The following MBOAT2 variants were observed in gnomAD, a reference collection of about 807,000 sequenced individuals.
MBOAT2 encodes the protein membrane bound glycerophospholipid O-acyltransferase 2.
Under a neutral mutation model 63.4 loss-of-function variants are expected in MBOAT2, and 28 were observed. The ratio of observed to expected loss-of-function variants is 0.44; its 90% CI spans 0.33 to 0.61. The LOEUF is 0.61. MBOAT2 is among the 20% of genes least tolerant of loss of function. The pLI is 0.03. For synonymous variants in MBOAT2, 211 were observed against 215.6 expected (o/e 0.98, Z 0.19); for missense variants, 470 against 605.8 (o/e 0.78, Z 2.35).
intron 3 of MBOAT2, among the ~76,000 whole-genome samples, chr2:8,931,977 A>C (rs1439454516): frequency 6.6e-6 from 1 of 152,060 alleles, no homozygotes; most frequent in East Asian, 1.9e-4. Flanking sequence ...ATAAATGTTC[A>C]ATTTTCGCCA....
At chr2:8,858,992 C>T (rs1661307586) in intron 12 of MBOAT2, 88 bp from the exon 13 acceptor site, 4 of 930,114 alleles carry the variant, frequency 4.3e-6, no homozygotes, top group Non-Finnish European at 6.4e-6. Flanking sequence ...ACATGGCCCA[C>T]CTTAGGATGT....
chr2:8,978,194 G>C (rs999193665), intron 1 of MBOAT2, among the ~76,000 whole-genome samples: 2 of 151,994 alleles, frequency 1.3e-5, no homozygotes. Context: ...TCTCTCACTG[G>C]CTATATTCCA....
intron 1 of MBOAT2, chr2:8,974,266 CTG>C: frequency 2.4e-6 from 1 of 424,170 alleles, no homozygotes; most frequent in Non-Finnish European, 4.9e-6. Flanking sequence ...GGGAATGTAA[CTG>C]TGCTGCAATT....
At chr2:8,947,039 T>A (rs1005054083) in intron 2 of MBOAT2, among the ~76,000 whole-genome samples, 1 of 152,222 alleles carries the variant, frequency 6.6e-6, no homozygotes, top group Non-Finnish European at 1.5e-5. Context: ...CAGTTAGTCA[T>A]GCCGTAAATA....
At chr2:8,906,254 A>C (rs1665323769) in intron 4 of MBOAT2, among the ~76,000 whole-genome samples, 1 of 152,210 alleles carries the variant, frequency 6.6e-6, no homozygotes, top group Non-Finnish European at 1.5e-5. Context: ...CAGCCTTTTA[A>C]ATGTCAGCAA....
chr2:8,973,752 G>A (rs945695193), intron 1 of MBOAT2, among the ~76,000 whole-genome samples: 1 of 151,970 alleles, frequency 6.6e-6, no homozygotes, highest in Non-Finnish European at 1.5e-5. Context: ...ACAAGAAACG[G>A]AAATTAAAAT....
intron 3 of MBOAT2, among the ~76,000 whole-genome samples, chr2:8,923,680 C>T (rs1666740785): frequency 6.6e-6 from 1 of 152,196 alleles, no homozygotes. Flanking sequence ...GGTAGCATTA[C>T]TTTGCCAAGG....
At chr2:8,943,646 A>T (rs891697690) in intron 2 of MBOAT2, among the ~76,000 whole-genome samples, 2 of 152,340 alleles carry the variant, frequency 1.3e-5, no homozygotes, top group African/African-American at 4.8e-5. Flanking sequence ...TTGTTTCCCC[A>T]AACTAGTTTC....
chr2:8,967,688 C>A (rs1411514968), intron 1 of MBOAT2, among the ~76,000 whole-genome samples: 2 of 151,944 alleles, frequency 1.3e-5, no homozygotes, highest in African/African-American at 2.4e-5. Flanking sequence ...GATGAACAGA[C>A]GAACAGACAG....
chr2:9,002,758 A>C (rs1672793294), intron 1 of MBOAT2, among the ~76,000 whole-genome samples: 1 of 152,076 alleles, frequency 6.6e-6, no homozygotes, highest in South Asian at 2.1e-4. Context: ...GGCCCTTTAA[A>C]CCATCAAACT....
chr2:8,864,816 G>A (rs1278843080), intron 9 of MBOAT2, among the ~76,000 whole-genome samples: 3 of 151,878 alleles, frequency 2.0e-5, no homozygotes, highest in Admixed American at 6.6e-5. Flanking sequence ...TCTCAGAGGG[G>A]GCCTTTCATC....
chr2:8,929,329 T>TGTTCATTC (rs1667150417), intron 3 of MBOAT2, among the ~76,000 whole-genome samples: 1 of 146,900 alleles, frequency 6.8e-6, no homozygotes, highest in African/African-American at 2.5e-5. Flanking sequence ...TTTATTTATT[T>TGTTCATTC]GTTCATTCAT....
At chr2:8,962,637 G>A (rs1413259404) in intron 1 of MBOAT2, among the ~76,000 whole-genome samples, 2 of 152,104 alleles carry the variant, frequency 1.3e-5, no homozygotes, top group Admixed American at 1.3e-4. Context: ...TTTGGAGATA[G>A]TTTATTACTG....
At chr2:8,962,217 A>G (rs1253067879) in intron 1 of MBOAT2, among the ~76,000 whole-genome samples, 1 of 152,206 alleles carries the variant, frequency 6.6e-6, no homozygotes, top group Non-Finnish European at 1.5e-5. Flanking sequence ...AGACTGAAAC[A>G]GTTTAACTAG....
chr2:9,000,235 A>T (rs1279499858), intron 1 of MBOAT2, among the ~76,000 whole-genome samples: 1 of 152,226 alleles, frequency 6.6e-6, no homozygotes, highest in African/African-American at 2.4e-5. Context: ...ATATTTTTAC[A>T]CTTTTCATTT....
In MBOAT2 at chr2:8,912,358, A is replaced by AG. The variant is rs1308938583; in HGVS notation, c.300-3643_300-3642insC. Among the ~76,000 whole-genome samples the AG allele has an allele frequency of 4.3e-4, 48 of 112,048 alleles. 1 individual carries two copies. Among genetic ancestry groups the AG allele is most frequent in the African/African-American group, 1.7e-3 (47 of 26,904 alleles). The allele number at this position is 112,048 out of a possible 152,430, so 73.5% of individuals were successfully genotyped here. On this transcript the variant is annotated intron_variant, in intron 3 of 12. Transcript: ENST00000305997. ...AAGAAAGAAAGAAAGAAAGAGAAAG[A>AG]AAGAAAGAAAGAAAGAGAAAGAAAG...
intron 3 of MBOAT2, among the ~76,000 whole-genome samples, chr2:8,929,478 A>G (rs116180448): frequency 0.052 from 7,927 of 152,258 alleles, 302 homozygotes; most frequent in Admixed American, 0.098. Flanking sequence ...CAGCCCCCCA[A>G]GTAGCTGGGA....
At chr2:8,914,773 C>G (rs548222466) in intron 3 of MBOAT2, among the ~76,000 whole-genome samples, 14 of 151,884 alleles carry the variant, frequency 9.2e-5, no homozygotes, top group Non-Finnish European at 1.5e-4. Context: ...AAAATAAACC[C>G]CAGATTTTGA....
chr2:8,870,639 T>C (rs1456953498), intron 8 of MBOAT2, among the ~76,000 whole-genome samples: 1 of 151,776 alleles, frequency 6.6e-6, no homozygotes, highest in Non-Finnish European at 1.5e-5. Flanking sequence ...ACTGACAGAG[T>C]TGAAACCTGA....
Sources: allele counts gnomAD v4.1 joint callset (sites outside exome capture counted in the v4.1 genomes callset), GRCh38; gene constraint gnomAD v4.1.1; transcripts MANE v1.5; gene names NCBI Gene and HGNC (gene_info 2026-07-23, HGNC 2026-07-21).